The following DIS3L2 variants were observed in gnomAD, a reference collection of about 807,000 sequenced individuals.
DIS3L2 encodes DIS3 like 3'-5' exoribonuclease 2, also known as DIS3-like exonuclease 2.
DIS3L2 carries 34 observed loss-of-function variants against 97.5 expected under a neutral mutation model. The observed-to-expected ratio is 0.35, with a 90% confidence interval of 0.27 to 0.46. The LOEUF is 0.46. Ranked by LOEUF, DIS3L2 falls within the 20% of genes least tolerant of loss-of-function variation. The pLI, the probability that DIS3L2 is intolerant of heterozygous loss-of-function variation, is 1.00. For synonymous variants in DIS3L2, 435 were observed against 445.2 expected (o/e 0.98, Z 0.29); for missense variants, 1,038 against 1,146.0 (o/e 0.91, Z 1.36).
intron 13 of DIS3L2, among the ~76,000 whole-genome samples, chr2:232,287,509 C>G (rs985321037): frequency 6.6e-6 from 1 of 150,588 alleles, no homozygotes; most frequent in Non-Finnish European, 1.5e-5. Context: ...AATGACCCTC[C>G]CACTTCAGCC....
chr2:232,060,290 C>T (rs903661387), intron 5 of DIS3L2, among the ~76,000 whole-genome samples: 3 of 152,010 alleles, frequency 2.0e-5, no homozygotes, highest in South Asian at 2.1e-4. Context: ...TGTAGGGTAT[C>T]GCTCAAGAAG....
intron 14 of DIS3L2, among the ~76,000 whole-genome samples, chr2:232,314,841 G>A (rs919815442): frequency 3.3e-5 from 5 of 152,130 alleles, no homozygotes; most frequent in African/African-American, 7.2e-5. Context: ...TTACTTTATA[G>A]CACATGAAGA....
chr2:232,052,110 G>C (rs1280547481), intron 5 of DIS3L2, among the ~76,000 whole-genome samples: 2 of 151,116 alleles, frequency 1.3e-5, no homozygotes, highest in East Asian at 2.0e-4. Context: ...TGCAACCTCC[G>C]TCTCCTGGTT....
intron 6 of DIS3L2, among the ~76,000 whole-genome samples, chr2:232,112,123 G>T (rs73095620): frequency 6.6e-6 from 1 of 152,180 alleles, no homozygotes. Context: ...TTTCTGATGG[G>T]CATTGTCATG....
At chr2:232,327,097 A>C (rs920621658) in intron 14 of DIS3L2, among the ~76,000 whole-genome samples, 1 of 152,234 alleles carries the variant, frequency 6.6e-6, no homozygotes, top group African/African-American at 2.4e-5. Context: ...AACTGAGAGC[A>C]GGAGCCTGGC....
chr2:232,080,334 A>T (rs1438800144), intron 5 of DIS3L2, among the ~76,000 whole-genome samples: 9 of 152,184 alleles, frequency 5.9e-5, no homozygotes, highest in African/African-American at 2.2e-4. Flanking sequence ...GCAATTGAAT[A>T]TAAGTCTGAA....
chr2:232,298,025 C>CT (rs1694763789), intron 13 of DIS3L2, among the ~76,000 whole-genome samples: 1 of 152,148 alleles, frequency 6.6e-6, no homozygotes, highest in African/African-American at 2.4e-5. Flanking sequence ...AGTCTTTGTC[C>CT]TTTTTTACAT....
In DIS3L2 at chr2:231,978,192, A is replaced by G. The variant is rs558441821; in HGVS notation, c.-94+16427A>G. Among the ~76,000 whole-genome samples the G allele has an allele frequency of 4.6e-5, 7 of 152,218 alleles. No individual in the cohort carries two copies. The South Asian group carries it at 6.2e-4, about 13-fold the overall frequency. ...AATGTATGCAAAATATGTGTAAGGT[A>G]TATAGAATAGCAGGACAATGAATAC... On this transcript the variant is annotated intron_variant, in intron 1 of 20. Coordinates refer to ENST00000325385, the MANE Select transcript of DIS3L2 (RefSeq NM_152383.5).
chr2:232,018,605 T>C (rs1694420733), intron 3 of DIS3L2, among the ~76,000 whole-genome samples: 1 of 152,190 alleles, frequency 6.6e-6, no homozygotes, highest in African/African-American at 2.4e-5. Flanking sequence ...TAGAGATACT[T>C]AGAAACTTTT....
intron 9 of DIS3L2, among the ~76,000 whole-genome samples, chr2:232,170,463 A>G (rs1298217673): frequency 6.6e-6 from 1 of 152,158 alleles, no homozygotes; most frequent in Admixed American, 6.5e-5. Flanking sequence ...GGTGGTTTCT[A>G]TAGCTTTTTA....
At position 232,039,892 on chromosome 2, in the gene DIS3L2, G is replaced by GA. The variant is rs1198719116; in HGVS notation, c.366+9812_366+9813insA. 8.5e-5 allele frequency among the ~76,000 whole-genome samples: 13 copies of GA among 152,322 alleles called. No homozygotes were observed. In the East Asian group the frequency reaches 1.5e-3, roughly 18 times the overall value. Reference sequence around the variant, plus strand: ...TGGTTAGGAAGCATTGATCCTGACAGTTCTGCCTGGAGCAGTTCAAGGTAC... The same window carrying GA: ...TGGTTAGGAAGCATTGATCCTGACAGATTCTGCCTGGAGCAGTTCAAGGTAC... On this transcript the variant is annotated intron_variant, in intron 5 of 20. Coordinates refer to ENST00000325385, the MANE Select transcript of DIS3L2 (RefSeq NM_152383.5).
intron 1 of DIS3L2, among the ~76,000 whole-genome samples, chr2:231,979,057 G>A (rs1693175748): frequency 6.6e-6 from 1 of 151,734 alleles, no homozygotes; most frequent in African/African-American, 2.4e-5. Flanking sequence ...ATTCCTTTTG[G>A]CTTACAGAAG....
In DIS3L2 at chr2:232,233,503, A is replaced by G. The variant is rs1574962039; in HGVS notation, c.1205-5030A>G. Among the ~76,000 whole-genome samples the G allele has an allele frequency of 3.3e-5, 5 of 152,338 alleles. No individual in the cohort carries two copies. The South Asian group carries it at 1.0e-3, about 32-fold the overall frequency. On this transcript the variant is annotated intron_variant, in intron 10 of 20. Transcript: ENST00000325385. ...ATTGAATTTCAACCTGTGAATTGGC[A>G]GGGAGTGGGGAGACTGGGGGGAGCA... is the stretch of plus-strand genomic sequence containing the variant.
chr2:232,025,733 C>T (rs1430241052), intron 4 of DIS3L2, among the ~76,000 whole-genome samples: 3 of 152,130 alleles, frequency 2.0e-5, no homozygotes, highest in African/African-American at 7.2e-5. Context: ...AATTTACATC[C>T]AGGAATCATA....
chr2:232,233,385 C>A (rs1306018415), intron 10 of DIS3L2, among the ~76,000 whole-genome samples: 1 of 152,124 alleles, frequency 6.6e-6, no homozygotes, highest in African/African-American at 2.4e-5. Context: ...TCTGGGGTCC[C>A]TTTTATAAGG....
intron 10 of DIS3L2, among the ~76,000 whole-genome samples, chr2:232,233,406 A>G (rs1692850029): frequency 2.0e-5 from 3 of 152,160 alleles, no homozygotes; most frequent in African/African-American, 4.8e-5. Flanking sequence ...CACTAATCCT[A>G]TTTGTGAGGG....
At chr2:232,141,991 A>G (rs953386442) in intron 8 of DIS3L2, among the ~76,000 whole-genome samples, 1 of 152,216 alleles carries the variant, frequency 6.6e-6, no homozygotes, top group African/African-American at 2.4e-5. Flanking sequence ...TCATTGAAGC[A>G]TAGGCTCCAA....
chr2:232,143,983 T>G (rs1238589563), intron 8 of DIS3L2, among the ~76,000 whole-genome samples: 1 of 152,168 alleles, frequency 6.6e-6, no homozygotes, highest in Non-Finnish European at 1.5e-5. Context: ...TATATATTCT[T>G]CTATCATTTG....
At position 232,048,751 on chromosome 2, in the gene DIS3L2, A is replaced by G. The variant is rs560727119; in HGVS notation, c.366+18671A>G. ...CTCTCAAAAAAAAAAAAAGAGTTGTATATGCCCGAAATATGTTTGTTGCTG... is the reference window on the plus strand; with the variant it reads ...CTCTCAAAAAAAAAAAAAGAGTTGTGTATGCCCGAAATATGTTTGTTGCTG... On this transcript the variant is annotated intron_variant, in intron 5 of 20. Coordinates refer to ENST00000325385, the MANE Select transcript of DIS3L2 (RefSeq NM_152383.5). Among the ~76,000 whole-genome samples, 8 of 151,976 alleles carry G rather than the reference A, an allele frequency of 5.3e-5. No individual in the cohort carries two copies. In the South Asian group the frequency reaches 8.3e-4, roughly 16 times the overall value.
Sources: gnomAD v4.1 joint callset for allele counts (sites outside exome capture counted in the v4.1 genomes callset) on GRCh38, gnomAD v4.1.1 for gene constraint, MANE v1.5 for transcripts, NCBI Gene and HGNC (gene_info 2026-07-23, HGNC 2026-07-21) for gene names.